FOXN3: variants seen among roughly 807,000 people sequenced by gnomAD.
The protein encoded by FOXN3 is forkhead box protein N3.
A neutral mutation model predicts 38.4 loss-of-function variants in FOXN3; 7 were observed. That is an observed-to-expected ratio of 0.18 (90% CI 0.10 to 0.34). The LOEUF (loss-of-function observed/expected upper bound fraction) is 0.34, where lower values mean the gene tolerates loss of function less well. Among genes scored for constraint, FOXN3 ranks in the 10% least tolerant of loss-of-function variants. FOXN3 has a pLI of 1.00. For synonymous variants in FOXN3, 230 were observed against 242.2 expected, an observed-to-expected ratio of 0.95 and a Z score of 0.47; for missense variants, 456 against 613.4, an observed-to-expected ratio of 0.74 and a Z score of 2.71.
chr14:89,503,387 T>C (rs1021325241), intron 1 of FOXN3, among the ~76,000 whole-genome samples: 1 of 152,206 alleles, frequency 6.6e-6, no homozygotes, highest in Admixed American at 6.5e-5. Flanking sequence ...AAAACATTTA[T>C]GAAAGTTTTC....
At chr14:89,441,906 G>A (rs1189079104) in intron 1 of FOXN3, among the ~76,000 whole-genome samples, 1 of 148,524 alleles carries the variant, frequency 6.7e-6, no homozygotes, top group East Asian at 2.0e-4. Context: ...TTACACAGGG[G>A]GCTGAAACCG....
At position 89,180,730 on chromosome 14, in the gene FOXN3, G is replaced by C; in HGVS notation, c.822C>G (p.Ile274Met). The change falls in exon 5 of 6, where the codon ATC becomes ATG. Residue 274 changes from isoleucine (I) to methionine (M), a missense_variant. Transcript: ENST00000557258. Reference sequence around the variant, plus strand: ...TGGCCGCTGTCACCCCAATGGGAGTGATTGGCAGCGGCCGCACGCCAGGAA... The same window carrying C: ...TGGCCGCTGTCACCCCAATGGGAGTCATTGGCAGCGGCCGCACGCCAGGAA... ...GLFPGVRPLP[I>M]TPIGVTAAMR... 1 of 1,611,922 alleles carries C rather than the reference G, an allele frequency of 6.2e-7. No homozygotes were observed. Among genetic ancestry groups the C allele is most frequent in the Non-Finnish European group, 8.5e-7 (1 of 1,179,100 alleles).
chr14:89,304,715 A>G (rs1157520093), intron 3 of FOXN3, among the ~76,000 whole-genome samples: 1 of 152,122 alleles, frequency 6.6e-6, no homozygotes, highest in Non-Finnish European at 1.5e-5. Flanking sequence ...AAACCTGGGC[A>G]TTCAACCCGG....
At chr14:89,265,865 C>T (rs1885964122) in intron 4 of FOXN3, among the ~76,000 whole-genome samples, 1 of 152,170 alleles carries the variant, frequency 6.6e-6, no homozygotes, top group Non-Finnish European at 1.5e-5. Flanking sequence ...AAACAATTTC[C>T]AAGAGGCCCA....
chr14:89,430,845 A>C (rs575507186), intron 1 of FOXN3, among the ~76,000 whole-genome samples: 33 of 152,224 alleles, frequency 2.2e-4, no homozygotes, highest in Non-Finnish European at 4.0e-4. Context: ...AGAAAAGTTT[A>C]AAGCTGAATT....
At chr14:89,399,767 G>A (rs78100594) in intron 2 of FOXN3, among the ~76,000 whole-genome samples, 1,644 of 152,246 alleles carry the variant, frequency 0.011, 38 homozygotes, top group African/African-American at 0.038. Flanking sequence ...CCGTGTGTGC[G>A]GCTCTACATT....
intron 4 of FOXN3, among the ~76,000 whole-genome samples, chr14:89,269,168 G>A (rs1006964568): frequency 6.6e-6 from 1 of 152,142 alleles, no homozygotes; most frequent in Non-Finnish European, 1.5e-5. Flanking sequence ...ACTCCAAACT[G>A]CAACTGTGTC....
intron 1 of FOXN3, among the ~76,000 whole-genome samples, chr14:89,423,342 T>A (rs1566651191): frequency 1.3e-5 from 2 of 152,210 alleles, no homozygotes; most frequent in East Asian, 1.9e-4. Flanking sequence ...TTGTGAAGAT[T>A]AAATAAATTA....
At chr14:89,477,568 G>C (rs1326165006) in intron 1 of FOXN3, among the ~76,000 whole-genome samples, 1 of 152,204 alleles carries the variant, frequency 6.6e-6, no homozygotes, top group Admixed American at 6.5e-5. Context: ...GCTGCAAAGA[G>C]TGCCAAGGCC....
At chr14:89,447,203 GAA>G in intron 1 of FOXN3, among the ~76,000 whole-genome samples, 1 of 136,316 alleles carries the variant, frequency 7.3e-6, no homozygotes. Context: ...TCACAAAAAG[GAA>G]AAAAAAAAAA....
chr14:89,444,007 CAAAAAA>C (rs569571116), intron 1 of FOXN3, among the ~76,000 whole-genome samples: 126 of 67,636 alleles, frequency 1.9e-3, no homozygotes, highest in African/African-American at 7.3e-3. Flanking sequence ...GAAACTCTGT[CAAAAAA>C]AAAAAAAAAA....
At chr14:89,591,422 GA>G (rs779029101) in intron 1 of FOXN3, among the ~76,000 whole-genome samples, 30 of 152,278 alleles carry the variant, frequency 2.0e-4, no homozygotes, top group Admixed American at 7.2e-4. Context: ...GGCCCCAGAG[GA>G]AAACCTCCGG....
At chr14:89,222,966 A>C (rs535841660) in intron 4 of FOXN3, among the ~76,000 whole-genome samples, 1 of 152,128 alleles carries the variant, frequency 6.6e-6, no homozygotes, top group Non-Finnish European at 1.5e-5. Context: ...ACAGGGTCTC[A>C]CTATGTTGCC....
At chr14:89,234,190 G>A (rs188999423) in intron 4 of FOXN3, among the ~76,000 whole-genome samples, 1 of 152,348 alleles carries the variant, frequency 6.6e-6, no homozygotes, top group Non-Finnish European at 1.5e-5. Flanking sequence ...TGTACTACGT[G>A]TATTAGTTCT....
intron 1 of FOXN3, among the ~76,000 whole-genome samples, chr14:89,430,480 T>C (rs1892132009): frequency 1.3e-5 from 2 of 152,214 alleles, no homozygotes; most frequent in African/African-American, 4.8e-5. Flanking sequence ...CGGTTTCCTG[T>C]TTAATATTAA....
chr14:89,586,090 C>T (rs1057101221), intron 1 of FOXN3, among the ~76,000 whole-genome samples: 2 of 151,948 alleles, frequency 1.3e-5, no homozygotes, highest in Non-Finnish European at 2.9e-5. Context: ...GACTACAGGT[C>T]TTGAGGTGGA....
chr14:89,449,438 T>G (rs1340129447), intron 1 of FOXN3, among the ~76,000 whole-genome samples: 3 of 152,222 alleles, frequency 2.0e-5, no homozygotes, highest in Non-Finnish European at 2.9e-5. Flanking sequence ...TCTCCAGTAC[T>G]CAACAGATAA....
At chr14:89,246,408 C>G (rs953747271) in intron 4 of FOXN3, among the ~76,000 whole-genome samples, 3 of 152,076 alleles carry the variant, frequency 2.0e-5, no homozygotes, top group African/African-American at 4.8e-5. Flanking sequence ...ACCCTGAAAC[C>G]ATGGTTTTCA....
intron 2 of FOXN3, among the ~76,000 whole-genome samples, chr14:89,368,428 A>T (rs1332696531): frequency 2.6e-5 from 4 of 152,026 alleles, no homozygotes; most frequent in Admixed American, 6.6e-5. Flanking sequence ...AGATCACTTG[A>T]GCCCAGGAGT....
Sources: gnomAD v4.1 joint callset for allele counts (sites outside exome capture counted in the v4.1 genomes callset) on GRCh38, gnomAD v4.1.1 for gene constraint, MANE v1.5 for transcripts, NCBI Gene and HGNC (gene_info 2026-07-23, HGNC 2026-07-21) for gene names.